ST6GALNAC3: variants seen among roughly 807,000 people sequenced by gnomAD.
ST6GALNAC3 encodes ST6 N-acetylgalactosaminide alpha-2,6-sialyltransferase 3.
Under a neutral mutation model 32.7 loss-of-function variants are expected in ST6GALNAC3, and 25 were observed. That is an observed-to-expected ratio of 0.76 (90% CI 0.56 to 1.07). The LOEUF is 1.07. Among genes scored for constraint, ST6GALNAC3 ranks in the 50% least tolerant of loss-of-function variants. ST6GALNAC3 has a pLI of 0.00. For missense variants in ST6GALNAC3, 355 were observed against 382.4 expected, an observed-to-expected ratio of 0.93 and a Z score of 0.60; for synonymous variants, 129 against 133.1, an observed-to-expected ratio of 0.97 and a Z score of 0.21.
Position 76,631,017 on chromosome 1 carries a change from C to G in ST6GALNAC3, c.*2211C>G, listed in dbSNP as rs1286037175. Reference sequence around the variant, plus strand: ...AATGAAGGGCCAACTCTTATTTGTTCTAGCCCCTACTGATGAGAAACATTT... The same window carrying G: ...AATGAAGGGCCAACTCTTATTTGTTGTAGCCCCTACTGATGAGAAACATTT... On this transcript the variant is annotated 3_prime_UTR_variant, in exon 5 of 5. Transcript: ENST00000328299. 1.0e-6 allele frequency: 1 copy of G among 985,440 alleles called. No homozygotes were observed. Among genetic ancestry groups the G allele is most frequent in the Non-Finnish European group, 1.2e-6 (1 of 829,838 alleles). 61.0% of individuals were successfully genotyped at this position (985,440 alleles called of 1,614,324 possible).
chr1:76,535,217 G>C (rs1046567184), intron 3 of ST6GALNAC3, among the ~76,000 whole-genome samples: 3 of 152,056 alleles, frequency 2.0e-5, no homozygotes, highest in African/African-American at 7.2e-5. Context: ...GCTTAGAAAA[G>C]TTCCTGGCAC....
intron 1 of ST6GALNAC3, among the ~76,000 whole-genome samples, chr1:76,278,453 C>A (rs1659311823): frequency 6.6e-6 from 1 of 151,320 alleles, no homozygotes; most frequent in South Asian, 2.1e-4. Flanking sequence ...AATCTCCTGA[C>A]CTGGTGATCC....
At chr1:76,089,726 G>A (rs1647017446) in intron 1 of ST6GALNAC3, among the ~76,000 whole-genome samples, 3 of 152,172 alleles carry the variant, frequency 2.0e-5, no homozygotes, top group Non-Finnish European at 4.4e-5. Context: ...TTGACATTCG[G>A]TTGACAGTAT....
At chr1:76,367,484 A>C (rs1650467279) in intron 2 of ST6GALNAC3, among the ~76,000 whole-genome samples, 1 of 152,064 alleles carries the variant, frequency 6.6e-6, no homozygotes, top group African/African-American at 2.4e-5. Flanking sequence ...AGTTTACAGG[A>C]GGGTAGGGGA....
chr1:76,549,931 G>T (rs1055938212), intron 3 of ST6GALNAC3, among the ~76,000 whole-genome samples: 1 of 152,160 alleles, frequency 6.6e-6, no homozygotes, highest in Non-Finnish European at 1.5e-5. Context: ...TGACAATGAG[G>T]AAGGTCGAAG....
chr1:76,413,206 T>C (rs1654388853), intron 3 of ST6GALNAC3, among the ~76,000 whole-genome samples: 1 of 152,112 alleles, frequency 6.6e-6, no homozygotes, highest in South Asian at 2.1e-4. Flanking sequence ...GTGTGCCATG[T>C]TTTCTTTCTT....
chr1:76,363,961 C>G (rs1018757795), intron 2 of ST6GALNAC3, among the ~76,000 whole-genome samples: 2 of 152,084 alleles, frequency 1.3e-5, no homozygotes, highest in Non-Finnish European at 1.5e-5. Flanking sequence ...TCCCACCAGC[C>G]CCACCTCCCA....
chr1:76,313,010 A>G (rs1205543290), intron 1 of ST6GALNAC3, among the ~76,000 whole-genome samples: 2 of 152,054 alleles, frequency 1.3e-5, no homozygotes, highest in African/African-American at 4.8e-5. Context: ...CTTCCATGGC[A>G]GTATGTTTAG....
intron 2 of ST6GALNAC3, among the ~76,000 whole-genome samples, chr1:76,394,091 T>TA (rs1557849906): frequency 6.6e-6 from 1 of 152,196 alleles, no homozygotes; most frequent in Non-Finnish European, 1.5e-5. Context: ...CTCAAGTTAC[T>TA]ATGGGATAGA....
intron 3 of ST6GALNAC3, among the ~76,000 whole-genome samples, chr1:76,562,284 C>T (rs753852646): frequency 1.3e-5 from 2 of 151,972 alleles, no homozygotes; most frequent in Admixed American, 6.6e-5. Flanking sequence ...TTAAAAAAGT[C>T]GGGGGAGGAT....
intron 1 of ST6GALNAC3, among the ~76,000 whole-genome samples, chr1:76,222,899 C>G (rs1208757669): frequency 6.6e-6 from 1 of 152,066 alleles, no homozygotes; most frequent in African/African-American, 2.4e-5. Flanking sequence ...AGCCAAAAAA[C>G]TCAGATGCTG....
chr1:76,614,366 A>G (rs897673082), intron 3 of ST6GALNAC3, among the ~76,000 whole-genome samples: 1 of 152,196 alleles, frequency 6.6e-6, no homozygotes, highest in Non-Finnish European at 1.5e-5. Context: ...CCATTTACAC[A>G]GTGATTTTTA....
intron 2 of ST6GALNAC3, among the ~76,000 whole-genome samples, chr1:76,396,092 A>G (rs2101181118): frequency 6.6e-6 from 1 of 152,308 alleles, no homozygotes; most frequent in African/African-American, 2.4e-5. Flanking sequence ...ACTATGCACA[A>G]ATATTATGTA....
At position 76,510,295 on chromosome 1, in the gene ST6GALNAC3, A is replaced by G. The variant is rs77143110; in HGVS notation, c.623+97878A>G. On this transcript the variant is annotated intron_variant, in intron 3 of 4. Coordinates refer to ENST00000328299, the MANE Select transcript of ST6GALNAC3 (RefSeq NM_152996.4). ...GGAGGCATGATTATGAGCTAAAAAT[A>G]CTACGTGTAAGATATTGTGGCCTTT... Among the ~76,000 whole-genome samples the G allele has an allele frequency of 6.5e-3, 989 of 152,288 alleles. 15 individuals carry two copies. Among genetic ancestry groups the G allele is most frequent in the African/African-American group, 0.022 (920 of 41,566 alleles).
intron 2 of ST6GALNAC3, among the ~76,000 whole-genome samples, chr1:76,391,927 T>C (rs1652595560): frequency 6.6e-6 from 1 of 152,204 alleles, no homozygotes; most frequent in African/African-American, 2.4e-5. Flanking sequence ...GGCGCTTATG[T>C]AGCTTATTTT....
chr1:76,200,099 A>G (rs1654434949), intron 1 of ST6GALNAC3, among the ~76,000 whole-genome samples: 1 of 152,204 alleles, frequency 6.6e-6, no homozygotes, highest in South Asian at 2.1e-4. Context: ...GCACATGGTA[A>G]GTATGGGAGA....
At chr1:76,291,571 G>A (rs1660093802) in intron 1 of ST6GALNAC3, among the ~76,000 whole-genome samples, 1 of 152,238 alleles carries the variant, frequency 6.6e-6, no homozygotes, top group Admixed American at 6.5e-5. Flanking sequence ...TCCCGAAAGA[G>A]CAGGCTGCTT....
Position 76,632,197 on chromosome 1 carries a change from T to C in ST6GALNAC3, c.*3391T>C, listed in dbSNP as rs920140085. 3 of 152,130 alleles carry C rather than the reference T, an allele frequency of 2.0e-5. No homozygotes were observed. The highest frequency in any genetic ancestry group is 7.2e-5 in the African/African-American group (3 of 41,428). The allele number at this position is 152,130 out of a possible 1,614,324, so 9.4% of individuals were successfully genotyped here. On this transcript the variant is annotated 3_prime_UTR_variant, in exon 5 of 5. Transcript: ENST00000328299. ...ATCTGAAATTCGTTGGGTTACATTT[T>C]GAATCCTGATGAAAAAAGCAAAAAT...
chr1:76,451,807 G>T (rs1170922164), intron 3 of ST6GALNAC3, among the ~76,000 whole-genome samples: 3 of 152,126 alleles, frequency 2.0e-5, no homozygotes, highest in African/African-American at 7.2e-5. Context: ...CCAGTTGCAG[G>T]AGCTTTTTGG....
Sources: allele counts gnomAD v4.1 joint callset (sites outside exome capture counted in the v4.1 genomes callset), GRCh38; gene constraint gnomAD v4.1.1; transcripts MANE v1.5; gene names NCBI Gene and HGNC (gene_info 2026-07-23, HGNC 2026-07-21).